Variants in PHF24 observed in about 807,000 individuals in gnomAD.
The protein encoded by PHF24 is PHD finger protein 24, also known as Galpha inhibitory interacting protein.
PHF24 carries 25 observed loss-of-function variants against 42.6 expected under a neutral mutation model. The observed-to-expected ratio is 0.59, with a 90% CI of 0.43 to 0.82. The LOEUF (loss-of-function observed/expected upper bound fraction) is 0.82, where lower values mean the gene tolerates loss of function less well. Ranked by LOEUF, PHF24 falls within the 40% of genes least tolerant of loss-of-function variation. The pLI is 0.00. For missense variants in PHF24, 470 were observed against 538.1 expected, an observed-to-expected ratio of 0.87 and a Z score of 1.25; for synonymous variants, 185 against 204.8, an observed-to-expected ratio of 0.90 and a Z score of 0.83.
the PHF24 span, among the ~76,000 whole-genome samples, chr9:34,766,178 C>A: frequency 3.3e-5 from 5 of 152,138 alleles, no homozygotes; most frequent in African/African-American, 1.2e-4. Flanking sequence ...AATTATATGT[C>A]TTAGAGTTGC....
chr9:34,669,539 A>T, the PHF24 span, among the ~76,000 whole-genome samples: 4 of 150,968 alleles, frequency 2.6e-5, no homozygotes, highest in Non-Finnish European at 5.9e-5. Context: ...AGTCTGTGAG[A>T]CTGTGTGTGA....
chr9:34,978,088 A>G, exon 8 of PHF24: 1 of 1,614,098 alleles, frequency 6.2e-7, no homozygotes, highest in East Asian at 2.2e-5. Context: ...CAGCGCAGCC[A>G]TTCACCTGAA....
the PHF24 span, among the ~76,000 whole-genome samples, chr9:34,668,847 C>T: frequency 6.6e-6 from 1 of 151,690 alleles, no homozygotes; most frequent in Non-Finnish European, 1.5e-5. Flanking sequence ...AGTCATCCCT[C>T]TGCTCACCTG....
At chr9:34,918,237 C>T in the PHF24 span, 4 of 1,489,874 alleles carry the variant, frequency 2.7e-6, no homozygotes, top group African/African-American at 1.4e-5. Context: ...GACAGAAGCC[C>T]TCATCCGCAC....
chr9:34,764,233 C>T, the PHF24 span, among the ~76,000 whole-genome samples: 5 of 152,362 alleles, frequency 3.3e-5, no homozygotes, highest in East Asian at 7.7e-4. Context: ...AGGGAGGATT[C>T]CCTCTTTTTC....
At chr9:34,729,263 C>CTG in the PHF24 span, 1 of 1,549,084 alleles carries the variant, frequency 6.5e-7, no homozygotes, top group African/African-American at 1.4e-5. Context: ...TTAATTAGTT[C>CTG]AGTTGGGATC....
upstream of PHF24, among the ~76,000 whole-genome samples, chr9:34,954,899 A>G (rs544307632): frequency 2.6e-5 from 4 of 152,364 alleles, no homozygotes; most frequent in African/African-American, 9.6e-5. Context: ...ATTATCTACC[A>G]TATTAAAACA....
chr9:34,767,292 G>A, the PHF24 span, among the ~76,000 whole-genome samples: 1 of 152,230 alleles, frequency 6.6e-6, no homozygotes, highest in Non-Finnish European at 1.5e-5. Context: ...GTTTGTCCGT[G>A]CCCTTCCCCC....
chr9:34,727,226 G>A, the PHF24 span, among the ~76,000 whole-genome samples: 1 of 152,224 alleles, frequency 6.6e-6, no homozygotes. Context: ...GGAGGGCATG[G>A]CCCTCAGAGA....
chr9:34,718,100 G>A, the PHF24 span, among the ~76,000 whole-genome samples: 26 of 152,276 alleles, frequency 1.7e-4, no homozygotes, highest in South Asian at 6.2e-4. Context: ...CCTTCCCGCC[G>A]TCTGGATTCC....
chr9:34,721,669 C>G, the PHF24 span, among the ~76,000 whole-genome samples: 1 of 152,170 alleles, frequency 6.6e-6, no homozygotes, highest in Admixed American at 6.5e-5. Flanking sequence ...CCTCGGCCTC[C>G]CAAAGTGCCA....
At chr9:34,728,712 CA>C in the PHF24 span, 1 of 1,430,254 alleles carries the variant, frequency 7.0e-7, no homozygotes, top group Non-Finnish European at 9.6e-7. Flanking sequence ...TTCTCATGTC[CA>C]AAATGAGACA....
the PHF24 span, among the ~76,000 whole-genome samples, chr9:34,824,281 G>A: frequency 6.6e-6 from 1 of 152,238 alleles, no homozygotes; most frequent in African/African-American, 2.4e-5. Context: ...TGAGCATTGA[G>A]TCTTCCCAAA....
chr9:34,792,502 C>G, the PHF24 span, among the ~76,000 whole-genome samples: 273 of 152,254 alleles, frequency 1.8e-3, 5 homozygotes, highest in African/African-American at 6.3e-3. Flanking sequence ...GAAATCCTGT[C>G]TCTACTAAAA....
chr9:34,922,102 C>G, the PHF24 span: 40 of 1,215,606 alleles, frequency 3.3e-5, no homozygotes, highest in Non-Finnish European at 4.8e-5. Context: ...AAATTGTAAA[C>G]AACTATTTGT....
At chr9:34,688,461 T>A in the PHF24 span, among the ~76,000 whole-genome samples, 26 of 152,300 alleles carry the variant, frequency 1.7e-4, no homozygotes, top group South Asian at 5.2e-3. Context: ...TCTGGTCTCA[T>A]CTGGGGAGAT....
chr9:34,837,625 G>A, the PHF24 span: 1 of 1,490,192 alleles, frequency 6.7e-7, no homozygotes, highest in Non-Finnish European at 9.1e-7. Context: ...CACAGTGGAA[G>A]GGAGTCAGAG....
the PHF24 span, among the ~76,000 whole-genome samples, chr9:34,901,734 A>G: frequency 1.3e-5 from 2 of 152,180 alleles, no homozygotes; most frequent in African/African-American, 2.4e-5. Flanking sequence ...AAATAAATTT[A>G]TAAGCCAATC....
At chr9:34,875,948 A>ACTCTCTCTCT in the PHF24 span, among the ~76,000 whole-genome samples, 3 of 79,916 alleles carry the variant, frequency 3.8e-5, no homozygotes, top group African/African-American at 1.5e-4. Flanking sequence ...ACACACACAC[A>ACTCTCTCTCT]CACTCTCTCT....
Sources: allele counts gnomAD v4.1 joint callset (sites outside exome capture counted in the v4.1 genomes callset), GRCh38; gene constraint gnomAD v4.1.1; transcripts MANE v1.5; gene names NCBI Gene and HGNC (gene_info 2026-07-23, HGNC 2026-07-21).